Variants in ANK2 observed in about 807,000 individuals in gnomAD.
The protein encoded by ANK2 is ankyrin 2, also known as ankyrin-2.
A neutral mutation model predicts 360.5 loss-of-function variants in ANK2; 83 were observed. The observed-to-expected ratio is 0.23, with a 90% CI of 0.19 to 0.28. The LOEUF is 0.28. ANK2 is among the 10% of genes least tolerant of loss of function. ANK2 has a pLI of 1.00. For missense variants in ANK2, 4,201 were observed against 4,795.7 expected, an observed-to-expected ratio of 0.88 and a Z score of 3.66; for synonymous variants, 1,740 against 1,759.5, an observed-to-expected ratio of 0.99 and a Z score of 0.28.
At chr4:112,869,615 A>AATTTTTAATATT (rs2072102663) in intron 1 of ANK2, among the ~76,000 whole-genome samples, 1 of 152,170 alleles carries the variant, frequency 6.6e-6, no homozygotes, top group African/African-American at 2.4e-5. Flanking sequence ...TTGACATACA[A>AATTTTTAATATT]ATTTTTAATA....
intron 32 of ANK2, among the ~76,000 whole-genome samples, chr4:113,340,452 G>A (rs968272615): frequency 6.6e-6 from 1 of 152,156 alleles, no homozygotes; most frequent in African/African-American, 2.4e-5. Context: ...CAGCACTTTG[G>A]GAGGCCAAGA....
At chr4:113,042,108 C>T (rs565428768) in intron 2 of ANK2, among the ~76,000 whole-genome samples, 55 of 152,234 alleles carry the variant, frequency 3.6e-4, no homozygotes, top group African/African-American at 1.2e-3. Context: ...TCACCCTCAC[C>T]GATGTGGGCT....
intron 45 of ANK2, among the ~76,000 whole-genome samples, chr4:113,377,565 T>C (rs2096995023): frequency 6.6e-6 from 1 of 152,220 alleles, no homozygotes; most frequent in African/African-American, 2.4e-5. Flanking sequence ...ACTTTTGCTA[T>C]TGGAACATTT....
the ANK2 span, among the ~76,000 whole-genome samples, chr4:112,754,110 AGTATAT>A: frequency 4.7e-5 from 3 of 63,476 alleles, no homozygotes; most frequent in African/African-American, 2.4e-4. Context: ...AAAAAAAAAA[AGTATAT>A]ATATATATAT....
intron 4 of ANK2, chr4:113,213,962 TTTTTTA>T (rs914989005): frequency 4.1e-6 from 2 of 487,660 alleles, no homozygotes; most frequent in African/African-American, 1.4e-4. Flanking sequence ...TTTATTTTTT[TTTTTTA>T]TTTTTTTTTT....
At chr4:112,904,950 T>G (rs11938677) in intron 2 of ANK2, among the ~76,000 whole-genome samples, 9,383 of 152,240 alleles carry the variant, frequency 0.062, 550 homozygotes, top group African/African-American at 0.15. Context: ...TCAATAAAGT[T>G]ATTTGATTCT....
At chr4:113,139,083 A>G (rs1479405814) in intron 1 of ANK2, among the ~76,000 whole-genome samples, 1 of 152,208 alleles carries the variant, frequency 6.6e-6, no homozygotes, top group Admixed American at 6.5e-5. Flanking sequence ...ATGCTCAAGC[A>G]GTGTGTCTAA....
In ANK2 at chr4:113,165,649, T is replaced by TA. The variant is rs562299103; in HGVS notation, c.85-8767_85-8766insA. 1.4e-3 allele frequency among the ~76,000 whole-genome samples: 210 copies of TA among 152,266 alleles called. 1 individual carries two copies. The highest frequency in any genetic ancestry group is 3.4e-3 in the Middle Eastern group (1 of 294). ...AACAAAAATGAGGGAATCATATTCT[T>TA]CTAGTTCTTATGTTATTCTCTAGAA... is the stretch of plus-strand genomic sequence containing the variant. On this transcript the variant is annotated intron_variant, in intron 1 of 45. Transcript: ENST00000357077.
the ANK2 span, among the ~76,000 whole-genome samples, chr4:112,807,280 C>G: frequency 6.6e-6 from 1 of 152,208 alleles, no homozygotes; most frequent in Admixed American, 6.5e-5. Flanking sequence ...CATTAAGTGT[C>G]AGTTGAATTG....
chr4:112,785,307 T>C, the ANK2 span, among the ~76,000 whole-genome samples: 4 of 152,316 alleles, frequency 2.6e-5, no homozygotes, highest in South Asian at 8.3e-4. Flanking sequence ...TGACCCTCAA[T>C]GAATGGGTGA....
intron 2 of ANK2, among the ~76,000 whole-genome samples, chr4:112,930,515 G>A (rs907304737): frequency 1.3e-5 from 2 of 151,954 alleles, no homozygotes; most frequent in Admixed American, 1.3e-4. Flanking sequence ...CCCAGGCAGG[G>A]GAGTTATAGT....
At chr4:113,201,052 A>G (rs2153415101) in intron 4 of ANK2, among the ~76,000 whole-genome samples, 1 of 151,992 alleles carries the variant, frequency 6.6e-6, no homozygotes, top group South Asian at 2.1e-4. Flanking sequence ...TAAACAAAAG[A>G]GTGAAGGTGT....
rs144568364 is a variant in ANK2 at position 113,285,234 on chromosome 4, A to G, written c.2079+2362A>G. Among the ~76,000 whole-genome samples the G allele has an allele frequency of 2.6e-5, 4 of 151,888 alleles. No homozygotes were observed. In the East Asian group the frequency reaches 7.8e-4, roughly 30 times the overall value. ...ATCATCAACACAGAAGACTTCTGTG[A>G]CCAAATGCGGAGAGGTTTTCCCCAC... On this transcript the variant is annotated intron_variant, in intron 18 of 45. Coordinates refer to ENST00000357077, the MANE Select transcript of ANK2 (RefSeq NM_001148.6).
chr4:113,220,684 G>A (rs1334231459), intron 4 of ANK2, among the ~76,000 whole-genome samples: 1 of 152,144 alleles, frequency 6.6e-6, no homozygotes, highest in African/African-American at 2.4e-5. Context: ...AAATGTTTTG[G>A]AGTTATGTGA....
rs111760750 is a variant in ANK2, at chr4:113,188,355, C to T, written c.187-8013C>T. ...AATACTTAGGAAGGTTCTAGTCATG[C>T]CTCCTTAAGCATCCACTCTGCTTTC... is the stretch of plus-strand genomic sequence containing the variant. On this transcript the variant is annotated intron_variant, in intron 2 of 45. Transcript: ENST00000357077. 1.1e-3 allele frequency among the ~76,000 whole-genome samples: 164 copies of T among 152,230 alleles called. 3 individuals are homozygous for T. The highest frequency in any genetic ancestry group is 3.8e-3 in the African/African-American group (157 of 41,558).
the ANK2 span, among the ~76,000 whole-genome samples, chr4:112,731,342 A>G: frequency 5.9e-5 from 9 of 152,090 alleles, no homozygotes; most frequent in Admixed American, 5.9e-4. Flanking sequence ...TGAATAAGTT[A>G]ACTAACTTGA....
chr4:113,264,826 G>A, intron 13 of ANK2, 71 bp from the exon 14 acceptor site: 1 of 1,470,772 alleles, frequency 6.8e-7, no homozygotes. Context: ...TCACAAAAAG[G>A]GACAACTTTA....
intron 2 of ANK2, among the ~76,000 whole-genome samples, chr4:112,957,336 A>G (rs968825801): frequency 2.6e-5 from 4 of 152,198 alleles, no homozygotes; most frequent in African/African-American, 9.7e-5. Flanking sequence ...TAGGGGTAAG[A>G]TCACAGATCA....
chr4:113,119,455 C>A (rs1411088150), intron 1 of ANK2, among the ~76,000 whole-genome samples: 1 of 151,802 alleles, frequency 6.6e-6, no homozygotes, highest in Non-Finnish European at 1.5e-5. Context: ...TTTACCTCAT[C>A]ATCATACCTT....
Sources: allele counts gnomAD v4.1 joint callset (sites outside exome capture counted in the v4.1 genomes callset), GRCh38; gene constraint gnomAD v4.1.1; transcripts MANE v1.5; gene names NCBI Gene and HGNC (gene_info 2026-07-23, HGNC 2026-07-21).